Variants in CD5 observed in about 807,000 individuals in gnomAD.
CD5 encodes the protein T-cell surface glycoprotein CD5.
Under a neutral mutation model 60.3 loss-of-function variants are expected in CD5, and 36 were observed. The ratio of observed to expected loss-of-function variants is 0.60; its 90% CI spans 0.46 to 0.79. The LOEUF (loss-of-function observed/expected upper bound fraction) is 0.79. Ranked by LOEUF, CD5 falls within the 30% of genes least tolerant of loss-of-function variation. The pLI is 0.00. For missense variants in CD5, 540 were observed against 630.6 expected (o/e 0.86, Z 1.54); for synonymous variants, 230 against 257.6 (o/e 0.89, Z 1.03).
At chr11:61,104,139 T>A (rs1860744824) in intron 1 of CD5, among the ~76,000 whole-genome samples, 1 of 151,448 alleles carries the variant, frequency 6.6e-6, no homozygotes, top group Admixed American at 6.6e-5. Flanking sequence ...TGTGTGTGAG[T>A]CTGTGTGTGA....
intron 1 of CD5, 73 bp downstream of exon 1, chr11:61,102,688 C>T (rs1489905115): frequency 1.5e-6 from 2 of 1,311,948 alleles, no homozygotes; most frequent in African/African-American, 2.9e-5. Flanking sequence ...CCCAGTTTTA[C>T]CCAAGGCTGA....
At chr11:61,109,288 T>C (rs1860817546) in intron 1 of CD5, among the ~76,000 whole-genome samples, 1 of 152,186 alleles carries the variant, frequency 6.6e-6, no homozygotes, top group Admixed American at 6.5e-5. Flanking sequence ...CCCCTTAGTG[T>C]GAAACTGCAT....
At chr11:61,100,623 C>T (rs1590763142), upstream of CD5, among the ~76,000 whole-genome samples, 1 of 80,080 alleles carries the variant, frequency 1.2e-5, no homozygotes, top group Non-Finnish European at 2.2e-5. Flanking sequence ...ACATGGAGAT[C>T]ACACACACAC....
chr11:61,098,997 G>A (rs575713700), upstream of CD5, among the ~76,000 whole-genome samples: 2 of 152,316 alleles, frequency 1.3e-5, no homozygotes, highest in African/African-American at 4.8e-5. Flanking sequence ...AGCCCAAGGA[G>A]CCAGGAGCTT....
intron 1 of CD5, among the ~76,000 whole-genome samples, chr11:61,109,889 G>A (rs1251381260): frequency 6.6e-6 from 1 of 152,208 alleles, no homozygotes; most frequent in Non-Finnish European, 1.5e-5. Flanking sequence ...CAGTTGCTCG[G>A]GGTGAGGGGT....
At chr11:61,094,146 G>A in the CD5 span, among the ~76,000 whole-genome samples, 1 of 151,812 alleles carries the variant, frequency 6.6e-6, no homozygotes, top group Non-Finnish European at 1.5e-5. Context: ...ATCCCCGCGG[G>A]GAACTCTGGC....
chr11:61,100,672 ACATT>A (rs1307484454), upstream of CD5, among the ~76,000 whole-genome samples: 61 of 125,704 alleles, frequency 4.9e-4, no homozygotes, highest in African/African-American at 1.3e-3. Context: ...CATGGAGATC[ACATT>A]CACACACATC....
upstream of CD5, chr11:61,102,457 CACG>C: frequency 2.0e-6 from 1 of 507,228 alleles, no homozygotes; most frequent in Non-Finnish European, 3.5e-6. Context: ...CCTCCCTGAG[CACG>C]CCACCCCGCC....
At chr11:61,096,148 G>A in the CD5 span, among the ~76,000 whole-genome samples, 2 of 152,238 alleles carry the variant, frequency 1.3e-5, no homozygotes, top group Non-Finnish European at 2.9e-5. Flanking sequence ...GGAAAGGGGG[G>A]TTCTGGGAAG....
upstream of CD5, among the ~76,000 whole-genome samples, chr11:61,101,611 C>A (rs559627156): frequency 2.7e-5 from 4 of 150,054 alleles, no homozygotes; most frequent in East Asian, 7.9e-4. Context: ...ACATGGAAAT[C>A]ACACACACAT....
upstream of CD5, among the ~76,000 whole-genome samples, chr11:61,098,019 C>T (rs1202009472): frequency 6.6e-6 from 1 of 152,122 alleles, no homozygotes; most frequent in Non-Finnish European, 1.5e-5. Context: ...TAATTGCTGT[C>T]TACACGTAGA....
chr11:61,118,299 C>T lies in CD5; in HGVS notation c.219C>T (p.Asp73=). ...GCCGGAGCTCCAAGCAGTGGGAGGACCCCAGTCAAGCGTCAAAAGTCTGCC... is the reference window on the plus strand; with the variant it reads ...GCCGGAGCTCCAAGCAGTGGGAGGATCCCAGTCAAGCGTCAAAAGTCTGCC... ...SWGRSSKQWE[D]PSQASKVCQR... The change falls in exon 3 of 11, where the codon GAC becomes GAT. Residue 73 remains aspartate, a synonymous_variant. Coordinates refer to ENST00000347785, the MANE Select transcript of CD5 (RefSeq NM_014207.4). The surrounding 1 kb of genome is among the most constrained non-coding windows in gnomAD (Gnocchi z 4.7). 6.2e-7 allele frequency: 1 copy of T among 1,614,250 alleles called. No individual in the cohort carries two copies. The highest frequency in any genetic ancestry group is 8.5e-7 in the Non-Finnish European group (1 of 1,180,048).
At position 61,118,274 on chromosome 11, in the gene CD5, G is replaced by A. The variant is rs887498822; in HGVS notation, c.194G>A (p.Gly65Asp). ...GWHMVCSQSW[G>D]RSSKQWEDPS... ...CACATGGTTTGCAGCCAGAGCTGGG[G>A]CCGGAGCTCCAAGCAGTGGGAGGAC... The change falls in exon 3 of 11, where the codon GGC becomes GAC. Residue 65 changes from glycine to aspartate, a missense_variant. Transcript: ENST00000347785. This position sits in a 1 kb window ranked among gnomAD's most constrained non-coding sequence, Gnocchi z 4.7. 11 of 1,614,152 alleles carry A rather than the reference G, an allele frequency of 6.8e-6. No individual in the cohort carries two copies. The African/African-American group carries it at 1.2e-4, about 18-fold the overall frequency.
chr11:61,104,912 C>T (rs1157219352), intron 1 of CD5, among the ~76,000 whole-genome samples: 1 of 152,234 alleles, frequency 6.6e-6, no homozygotes, highest in Admixed American at 6.5e-5. Context: ...AAAGGGAAGG[C>T]CACCAAAGGC....
chr11:61,123,988 T>C (rs780410245), intron 8 of CD5, 51 bp downstream of exon 8: 34 of 1,444,354 alleles, frequency 2.4e-5, no homozygotes, highest in Non-Finnish European at 3.1e-5. Context: ...ACAGAGGCCA[T>C]GGAGGCAGAG....
chr11:61,123,151 C>G (rs1374208896), intron 7 of CD5, 119 bp downstream of exon 7: 2 of 1,175,762 alleles, frequency 1.7e-6, no homozygotes, highest in East Asian at 5.3e-5. Context: ...GACACCTCTG[C>G]TTCACCACCC....
upstream of CD5, among the ~76,000 whole-genome samples, chr11:61,099,485 C>CACACA: frequency 1.3e-5 from 2 of 150,670 alleles, 1 homozygote; most frequent in Non-Finnish European, 2.9e-5. Flanking sequence ...AGATCACACA[C>CACACA]ACATCAACAT....
At chr11:61,125,514 G>C (rs1861135384) in intron 9 of CD5, among the ~76,000 whole-genome samples, 1 of 152,202 alleles carries the variant, frequency 6.6e-6, no homozygotes, top group African/African-American at 2.4e-5. Flanking sequence ...CATTAAGTGG[G>C]CTGCAGGAGC....
chr11:61,124,240 T>G (rs943117734), intron 8 of CD5, among the ~76,000 whole-genome samples: 2 of 152,116 alleles, frequency 1.3e-5, no homozygotes, highest in Admixed American at 1.3e-4. Context: ...CCTCACCTCC[T>G]CCAGCAGTAT....
Sources: gnomAD v4.1 joint callset for allele counts (sites outside exome capture counted in the v4.1 genomes callset) on GRCh38, gnomAD v4.1.1 for gene constraint, Gnocchi (gnomAD v3.1) non-coding constraint, MANE v1.5 for transcripts, NCBI Gene and HGNC (gene_info 2026-07-23, HGNC 2026-07-21) for gene names.